Variants in MEGF6 observed in about 807,000 individuals in gnomAD.
The protein encoded by MEGF6 is multiple EGF like domains 6.
In MEGF6, 184 loss-of-function variants were observed where a neutral mutation model predicts 207.1. The observed-to-expected ratio is 0.89, with a 90% CI of 0.79 to 1.00. MEGF6 has a LOEUF of 1.00. Among genes scored for constraint, MEGF6 ranks in the 50% least tolerant of loss-of-function variants. The pLI, the probability that MEGF6 is intolerant of heterozygous loss-of-function variation, is 0.00. For missense variants in MEGF6, 2,282 were observed against 2,202.9 expected (o/e 1.04, Z -0.72); for synonymous variants, 1,038 against 910.0 (o/e 1.14, Z -2.53).
rs377052878 is a variant in MEGF6 at position 3,499,727 on chromosome 1, C to A, written c.2837-11G>T. On this transcript the variant is annotated splice_polypyrimidine_tract_variant and intron_variant, in intron 22 of 36. Coordinates refer to ENST00000356575, the MANE Select transcript of MEGF6 (RefSeq NM_001409.4). Reference sequence around the variant, plus strand: ...AGCCGGCCGGGCAGGCTGCAGACAGCGGGCAGTGATGTGGAGGGGCCCACA... The same window carrying A: ...AGCCGGCCGGGCAGGCTGCAGACAGAGGGCAGTGATGTGGAGGGGCCCACA... 23 of 1,602,098 alleles carry A rather than the reference C, an allele frequency of 1.4e-5. No homozygotes were observed. The highest frequency in any genetic ancestry group is 1.7e-5 in the Admixed American group (1 of 58,776).
intron 1 of MEGF6, among the ~76,000 whole-genome samples, chr1:3,605,358 T>G (rs1644229396): frequency 9.1e-6 from 1 of 109,932 alleles, no homozygotes. Flanking sequence ...CTCACGCACG[T>G]TCACACACAC....
chr1:3,606,073 A>T (rs908678395), intron 1 of MEGF6, among the ~76,000 whole-genome samples: 1 of 152,214 alleles, frequency 6.6e-6, no homozygotes, highest in African/African-American at 2.4e-5. Flanking sequence ...CAAATTTGGG[A>T]TCAGAGACAG....
chr1:3,538,750 G>GTGTGTGTGTGTGT (rs1642412181), intron 4 of MEGF6, among the ~76,000 whole-genome samples: 1 of 148,922 alleles, frequency 6.7e-6, no homozygotes, highest in Non-Finnish European at 1.5e-5. Context: ...GTGTGTCCGC[G>GTGTGTGTGTGTGT]CTGTCTGTGG....
intron 3 of MEGF6, among the ~76,000 whole-genome samples, chr1:3,586,862 T>C (rs1643900859): frequency 6.6e-6 from 1 of 152,146 alleles, no homozygotes; most frequent in South Asian, 2.1e-4. Context: ...CAGCTGGACA[T>C]GGGGCCCCAA....
intron 4 of MEGF6, among the ~76,000 whole-genome samples, chr1:3,568,301 A>C (rs75793825): frequency 0.018 from 2,752 of 151,806 alleles, 35 homozygotes; most frequent in Non-Finnish European, 0.027. Flanking sequence ...CTTGGGTAAA[A>C]ACCAAGGCCC....
At position 3,494,111 on chromosome 1, in the gene MEGF6, G is replaced by C. The variant is rs764613386; in HGVS notation, c.4143C>G (p.Gly1381=). The change falls in exon 33 of 37, where the codon GGC becomes GGG. Residue 1381 remains glycine (G), a synonymous_variant. Transcript: ENST00000356575. ...ACCCCTGGCAGCCAGCCCCGTGGAAGCCAGGGGGACAGGCTGAAGGACGCC... is the reference window on the plus strand; with the variant it reads ...ACCCCTGGCAGCCAGCCCCGTGGAACCCAGGGGGACAGGCTGAAGGACGCC... The part of the protein sequence containing the change: ...GQACEHPCPP[G]FHGAGCQGLC... The C allele has an allele frequency of 6.4e-7, 1 of 1,573,704 alleles. No individual in the cohort carries two copies.
intron 4 of MEGF6, among the ~76,000 whole-genome samples, chr1:3,554,623 C>T (rs1642982254): frequency 6.6e-6 from 1 of 152,162 alleles, no homozygotes; most frequent in Admixed American, 6.5e-5. Context: ...ATGACTGGGC[C>T]CCCCAGGCAG....
At chr1:3,533,267 C>T (rs1278430619) in intron 4 of MEGF6, among the ~76,000 whole-genome samples, 2 of 152,220 alleles carry the variant, frequency 1.3e-5, no homozygotes, top group East Asian at 3.9e-4. Context: ...AGCCCGCCCC[C>T]TTGGCCCCCA....
chr1:3,534,647 C>A (rs553588957), intron 4 of MEGF6, among the ~76,000 whole-genome samples: 2 of 152,328 alleles, frequency 1.3e-5, no homozygotes, highest in South Asian at 2.1e-4. Context: ...AGCAGACACC[C>A]CAAGGCCACG....
chr1:3,534,861 T>C (rs1011062529), intron 4 of MEGF6, among the ~76,000 whole-genome samples: 1 of 152,076 alleles, frequency 6.6e-6, no homozygotes, highest in Non-Finnish European at 1.5e-5. Flanking sequence ...CAGAGCCATC[T>C]GGGGGCCACC....
In MEGF6 at chr1:3,565,083, T is replaced by C. The variant is rs1010995868; in HGVS notation, c.481+14742A>G. Among the ~76,000 whole-genome samples the C allele has an allele frequency of 6.6e-6, 1 of 150,508 alleles. No homozygotes were observed. The highest frequency in any genetic ancestry group is 1.5e-5 in the Non-Finnish European group (1 of 67,500). ...GGGTTTTGCTGGACTGGCTGGTGGG[T>C]TCCAAGCACAGGGCCTGGCACGCAG... On this transcript the variant is annotated intron_variant, in intron 4 of 36. Coordinates refer to ENST00000356575, the MANE Select transcript of MEGF6 (RefSeq NM_001409.4). The surrounding 1 kb of genome is among the most constrained non-coding windows in gnomAD (Gnocchi z 4.8).
intron 4 of MEGF6, among the ~76,000 whole-genome samples, chr1:3,544,079 T>A (rs1258581684): frequency 6.6e-6 from 1 of 151,830 alleles, no homozygotes; most frequent in Admixed American, 6.5e-5. Flanking sequence ...GAGGCGGGAG[T>A]GTGGTCAGTC....
chr1:3,509,279 C>T (rs919889881), intron 11 of MEGF6, 34 bp from the exon 12 acceptor site: 1 of 1,401,574 alleles, frequency 7.1e-7, no homozygotes, highest in South Asian at 1.6e-5. Flanking sequence ...TAGCCCCTGC[C>T]ACCCACCTGC....
intron 4 of MEGF6, among the ~76,000 whole-genome samples, chr1:3,544,272 T>C (rs111303260): frequency 0.027 from 3,416 of 125,372 alleles, 34 homozygotes; most frequent in Middle Eastern, 0.06. Context: ...CCCTCTCCCC[T>C]CAGCATCACA....
chr1:3,574,632 C>CTATT (rs3037440), intron 4 of MEGF6, among the ~76,000 whole-genome samples: 16,416 of 149,818 alleles, frequency 0.11, 2,103 homozygotes, highest in African/African-American at 0.31. Flanking sequence ...CCAAAGGTTA[C>CTATT]TATTTATTTA....
At chr1:3,590,040 G>T (rs1643950437) in intron 3 of MEGF6, among the ~76,000 whole-genome samples, 1 of 152,230 alleles carries the variant, frequency 6.6e-6, no homozygotes, top group East Asian at 1.9e-4. Context: ...CTAACTGTAT[G>T]CTGAGGCCCT....
chr1:3,581,922 A>T (rs2821047), intron 3 of MEGF6, among the ~76,000 whole-genome samples: 1 of 151,524 alleles, frequency 6.6e-6, no homozygotes. Flanking sequence ...ACCCCATACC[A>T]TTCCCTCCCT....
chr1:3,492,697 G>T lies in MEGF6; in HGVS notation c.4458C>A (p.Asp1486Glu), dbSNP rs747341211. The change falls in exon 35 of 37, where the codon GAC becomes GAA. Residue 1486 changes from aspartate to glutamate, a missense_variant. Asp to Glu is a conservative substitution (Grantham distance 45). Coordinates refer to ENST00000356575, the MANE Select transcript of MEGF6 (RefSeq NM_001409.4). ...CACAGTGACACTGCCCACTGACAGG[G>T]TCGCAGTCAGCCCCACCCCCGCAGT... ...HCDCGGGADC[D>E]PVSGQCHCVD... The T allele has an allele frequency of 5.0e-6, 8 of 1,612,534 alleles. No individual in the cohort carries two copies. In the Admixed American group the frequency reaches 1.3e-4, roughly 27 times the overall value.
At chr1:3,514,851 G>A (rs917795865) in intron 6 of MEGF6, among the ~76,000 whole-genome samples, 179 bp from the exon 7 acceptor site, 2 of 152,176 alleles carry the variant, frequency 1.3e-5, no homozygotes, top group South Asian at 2.1e-4. Flanking sequence ...CCAAGACGCC[G>A]AGAAGACTCT....
Sources: gnomAD v4.1 joint callset for allele counts (sites outside exome capture counted in the v4.1 genomes callset) on GRCh38, gnomAD v4.1.1 for gene constraint, Gnocchi (gnomAD v3.1) non-coding constraint, MANE v1.5 for transcripts, NCBI Gene and HGNC (gene_info 2026-07-23, HGNC 2026-07-21) for gene names.